Variants in KCNB2 observed in about 807,000 individuals in gnomAD.
The protein encoded by KCNB2 is potassium voltage-gated channel subfamily B member 2, also known as delayed rectifier potassium channel protein.
KCNB2 carries 15 observed loss-of-function variants against 61.5 expected under a neutral mutation model. The observed-to-expected ratio is 0.24, with a 90% CI of 0.16 to 0.38. The LOEUF is 0.38. KCNB2 is among the 10% of genes least tolerant of loss of function. The pLI is 1.00. For synonymous variants in KCNB2, 457 were observed against 446.0 expected (o/e 1.02, Z -0.31); for missense variants, 828 against 1,125.2 (o/e 0.74, Z 3.78).
chr8:72,577,329 G>T, intron 2 of KCNB2, among the ~76,000 whole-genome samples: 1 of 151,960 alleles, frequency 6.6e-6, no homozygotes. Context: ...GTGAGAAAGA[G>T]ATAGAGAGAG....
intron 1 of KCNB2, among the ~76,000 whole-genome samples, chr8:72,561,092 A>T (rs559141797): frequency 6.6e-6 from 1 of 152,302 alleles, no homozygotes; most frequent in Admixed American, 6.5e-5. Context: ...CACTGAAAGG[A>T]AAGCTTTTAG....
At chr8:72,563,457 C>T (rs1407047412) in intron 1 of KCNB2, among the ~76,000 whole-genome samples, 3 of 152,030 alleles carry the variant, frequency 2.0e-5, no homozygotes, top group Non-Finnish European at 4.4e-5. Flanking sequence ...TATTTTCAGC[C>T]TAGGAGGCCT....
At chr8:72,749,868 T>C (rs1335008055) in intron 2 of KCNB2, among the ~76,000 whole-genome samples, 1 of 147,372 alleles carries the variant, frequency 6.8e-6, no homozygotes, top group Non-Finnish European at 1.5e-5. Context: ...TTTTTATATA[T>C]ATATACATCC....
chr8:72,556,612 G>A (rs1040317973), intron 1 of KCNB2, among the ~76,000 whole-genome samples: 2 of 151,998 alleles, frequency 1.3e-5, no homozygotes, highest in Non-Finnish European at 2.9e-5. Context: ...GCATACAATC[G>A]ATTTTGACAA....
chr8:72,780,193 A>G (rs1478707154), intron 2 of KCNB2, among the ~76,000 whole-genome samples: 1 of 152,182 alleles, frequency 6.6e-6, no homozygotes, highest in Non-Finnish European at 1.5e-5. Flanking sequence ...ATAACTTACG[A>G]CTGTCTCTGT....
intron 2 of KCNB2, among the ~76,000 whole-genome samples, chr8:72,847,677 G>A (rs149242386): frequency 1.4e-3 from 213 of 152,158 alleles, no homozygotes; most frequent in Middle Eastern, 6.8e-3. Flanking sequence ...TTTCTGAGAC[G>A]TCATTAGAAT....
chr8:72,573,040 G>A (rs1806738927), intron 2 of KCNB2, among the ~76,000 whole-genome samples: 1 of 152,266 alleles, frequency 6.6e-6, no homozygotes, highest in Non-Finnish European at 1.5e-5. Context: ...CACAGAGCCA[G>A]GGGTCCAAAT....
intron 2 of KCNB2, among the ~76,000 whole-genome samples, chr8:72,888,094 T>C (rs752143231): frequency 2.0e-5 from 3 of 150,198 alleles, no homozygotes; most frequent in Non-Finnish European, 3.0e-5. Flanking sequence ...GATTGCCAGT[T>C]TGTTGTTGTT....
chr8:72,597,515 G>A (rs757360573), intron 2 of KCNB2, among the ~76,000 whole-genome samples: 10 of 152,136 alleles, frequency 6.6e-5, no homozygotes, highest in Non-Finnish European at 1.3e-4. Flanking sequence ...TAAAAATATG[G>A]CTACTCACTG....
chr8:72,687,421 T>G (rs1806869792), intron 2 of KCNB2, among the ~76,000 whole-genome samples: 1 of 152,174 alleles, frequency 6.6e-6, no homozygotes, highest in Non-Finnish European at 1.5e-5. Flanking sequence ...ATTTTCAAGC[T>G]GGACCTGTCA....
rs141643441 is a variant in KCNB2 at position 72,649,060 on chromosome 8, A to G, written c.579+80747A>G. 7.5e-3 allele frequency among the ~76,000 whole-genome samples: 1,147 copies of G among 152,252 alleles called. 6 individuals are homozygous for G. The Middle Eastern group carries it at 0.078, about 10-fold the overall frequency. The stretch of plus-strand genomic sequence containing the variant: ...TGCCTTCTGTGTTTTTCTATTAAAG[A>G]CATTTTTATTGTCTCCTTTTAAAAT... On this transcript the variant is annotated intron_variant, in intron 2 of 2. Transcript: ENST00000523207.
At chr8:72,847,295 T>C (rs1371949643) in intron 2 of KCNB2, among the ~76,000 whole-genome samples, 3 of 152,190 alleles carry the variant, frequency 2.0e-5, no homozygotes, top group East Asian at 1.9e-4. Context: ...CAATGTTCCC[T>C]TAGGAAAACC....
chr8:72,574,979 T>C (rs1806773123), intron 2 of KCNB2, among the ~76,000 whole-genome samples: 1 of 152,216 alleles, frequency 6.6e-6, no homozygotes, highest in South Asian at 2.1e-4. Flanking sequence ...GGTGTTCTTA[T>C]CTGAGTTTTA....
At chr8:72,751,057 G>A (rs1347544621) in intron 2 of KCNB2, 3 of 152,126 alleles carry the variant, frequency 2.0e-5, no homozygotes, top group Non-Finnish European at 2.9e-5. Flanking sequence ...TCAGGGGTCA[G>A]GCCCTGACTT....
chr8:72,692,051 A>G (rs1326822659), intron 2 of KCNB2, among the ~76,000 whole-genome samples: 2 of 152,134 alleles, frequency 1.3e-5, no homozygotes, highest in Admixed American at 6.5e-5. Flanking sequence ...CCTGGCTAAC[A>G]CAGTGAAACC....
intron 2 of KCNB2, among the ~76,000 whole-genome samples, chr8:72,667,805 C>T (rs1381337789): frequency 6.6e-6 from 1 of 152,176 alleles, no homozygotes; most frequent in African/African-American, 2.4e-5. Flanking sequence ...TCAGATGTCA[C>T]CCTCTTACTT....
At chr8:72,574,852 T>G (rs1806771262) in intron 2 of KCNB2, among the ~76,000 whole-genome samples, 1 of 151,970 alleles carries the variant, frequency 6.6e-6, no homozygotes, top group Admixed American at 6.6e-5. Flanking sequence ...TGAGAAAGTT[T>G]GTAAAATAAA....
In KCNB2 at chr8:72,561,714, T is replaced by TAC. The variant is rs1563523352; in HGVS notation, c.-93-5927_-93-5926insCA. Among the ~76,000 whole-genome samples the TAC allele has an allele frequency of 2.3e-4, 6 of 26,448 alleles. 1 individual carries two copies. Among genetic ancestry groups the TAC allele is most frequent in the Non-Finnish European group, 3.2e-4 (5 of 15,722 alleles). The allele number at this position is 26,448 out of a possible 152,430, so 17.4% of individuals were successfully genotyped here. A position where few individuals can be genotyped will look rare whatever the true frequency, so the allele number is the denominator to read the frequency against. On this transcript the variant is annotated intron_variant, in intron 1 of 2. Transcript: ENST00000523207. ...TTTTATATATATATATATATATATA[T>TAC]ATATATATATATATCTATATCTATA...
At chr8:72,636,734 T>G (rs1278898570) in intron 2 of KCNB2, among the ~76,000 whole-genome samples, 1 of 152,216 alleles carries the variant, frequency 6.6e-6, no homozygotes, top group Non-Finnish European at 1.5e-5. Flanking sequence ...CTACATCAAG[T>G]CAAATCTTAT....
Sources: allele counts gnomAD v4.1 joint callset (sites outside exome capture counted in the v4.1 genomes callset), GRCh38; gene constraint gnomAD v4.1.1; transcripts MANE v1.5; gene names NCBI Gene and HGNC (gene_info 2026-07-23, HGNC 2026-07-21).